BTN3A1: variants seen among roughly 807,000 people sequenced by gnomAD.
BTN3A1 encodes butyrophilin subfamily 3 member A1, also known as dJ45P21.3 (butyrophilin, subfamily 3, member A1).
Under a neutral mutation model 43.0 loss-of-function variants are expected in BTN3A1, and 24 were observed. The ratio of observed to expected loss-of-function variants is 0.56; its 90% CI spans 0.40 to 0.78. The LOEUF is 0.78. Among genes scored for constraint, BTN3A1 ranks in the 30% least tolerant of loss-of-function variants. The probability of loss-of-function intolerance (pLI) is 0.00; values close to 1 mark genes in which losing one functional copy is unlikely to be tolerated. For synonymous variants in BTN3A1, 181 were observed against 234.7 expected, an observed-to-expected ratio of 0.77 and a Z score of 2.09; for missense variants, 533 against 626.2, an observed-to-expected ratio of 0.85 and a Z score of 1.59.
chr6:26,412,573 G>A, intron 9 of BTN3A1: 2 of 1,547,294 alleles, frequency 1.3e-6, no homozygotes, highest in South Asian at 2.4e-5. Context: ...ACCACATAGA[G>A]CCCAGCACAG....
rs554864674 is a variant in BTN3A1, at chr6:26,414,398, CCCA to C, written c.*707_*709del. The C allele has an allele frequency of 6.5e-6, 1 of 154,068 alleles. No homozygotes were observed. Among genetic ancestry groups the C allele is most frequent in the Non-Finnish European group, 1.4e-5 (1 of 69,372 alleles). The allele number at this position is 154,068 out of a possible 1,614,324, so 9.5% of individuals were successfully genotyped here. On this transcript the variant is annotated 3_prime_UTR_variant, in exon 10 of 10. Coordinates refer to ENST00000289361, the MANE Select transcript of BTN3A1 (RefSeq NM_007048.6). Reference sequence around the variant, plus strand: ...GAGTTGACACCCCTGTTGACTCCTTCCCAGCTGATTGTCAGAGCCTTAGACCCA... The same window carrying C: ...GAGTTGACACCCCTGTTGACTCCTTCGCTGATTGTCAGAGCCTTAGACCCA...
chr6:26,412,534 G>C (rs775795385), intron 9 of BTN3A1: 25 of 1,549,796 alleles, frequency 1.6e-5, no homozygotes, highest in African/African-American at 2.7e-5. Context: ...AAGCTGAAGG[G>C]TGGAGAGTGA....
In BTN3A1 at chr6:26,411,544, C is replaced by G; in HGVS notation, c.992-11C>G. On this transcript the variant is annotated splice_polypyrimidine_tract_variant and intron_variant, in intron 8 of 9. Coordinates refer to ENST00000289361, the MANE Select transcript of BTN3A1 (RefSeq NM_007048.6). ...CTGACCTTTTCCTTATCTGTGTCTCCTTCCTTTCAGAATGGAAAAAGGCCC... is the reference window on the plus strand; with the variant it reads ...CTGACCTTTTCCTTATCTGTGTCTCGTTCCTTTCAGAATGGAAAAAGGCCC... 1.9e-6 allele frequency: 3 copies of G among 1,613,480 alleles called. No individual in the cohort carries two copies. The highest frequency in any genetic ancestry group is 2.5e-6 in the Non-Finnish European group (3 of 1,179,582).
In BTN3A1 at chr6:26,414,382, C is replaced by A. The variant is rs557032623; in HGVS notation, c.*690C>A. On this transcript the variant is annotated 3_prime_UTR_variant, in exon 10 of 10. Transcript: ENST00000289361. ...ACTGTAGGTGGTTGTGGAGTTGACA[C>A]CCCTGTTGACTCCTTCCCAGCTGAT... 6.5e-6 allele frequency: 1 copy of A among 154,446 alleles called. No individual in the cohort carries two copies. Among genetic ancestry groups the A allele is most frequent in the Admixed American group, 6.3e-5 (1 of 15,750 alleles). 9.6% of individuals were successfully genotyped at this position (154,446 alleles called of 1,614,324 possible).
At chr6:26,412,493 C>G (rs757983023) in intron 9 of BTN3A1, 158 of 1,547,612 alleles carry the variant, frequency 1.0e-4, no homozygotes, top group Non-Finnish European at 1.3e-4. Flanking sequence ...GCCCAGAGGA[C>G]AGATTCCTGG....
At chr6:26,407,223 G>A (rs1762049994) in intron 3 of BTN3A1, among the ~76,000 whole-genome samples, 2 of 152,194 alleles carry the variant, frequency 1.3e-5, no homozygotes, top group South Asian at 4.1e-4. Context: ...TTAGTGCAAT[G>A]CTTTTCCCTG....
intron 2 of BTN3A1, 40 bp from the exon 3 acceptor site, chr6:26,405,869 T>C (rs751505681): frequency 1.2e-6 from 2 of 1,613,244 alleles, no homozygotes; most frequent in Non-Finnish European, 1.7e-6. Flanking sequence ...TGACCCCAAC[T>C]CCAAAACCCT....
At chr6:26,410,278 C>CTCTCTT (rs1762165406) in intron 7 of BTN3A1, among the ~76,000 whole-genome samples, 2 of 150,888 alleles carry the variant, frequency 1.3e-5, no homozygotes, top group South Asian at 4.2e-4. Flanking sequence ...TTCTTTCTCC[C>CTCTCTT]TCTCTTTCTC....
chr6:26,409,301 T>G (rs893785120), intron 4 of BTN3A1, among the ~76,000 whole-genome samples: 2 of 152,170 alleles, frequency 1.3e-5, no homozygotes, highest in African/African-American at 4.8e-5. Context: ...GTCACTCACT[T>G]TCCACATGAG....
At position 26,413,867 on chromosome 6, in the gene BTN3A1, A is replaced by G; in HGVS notation, c.*175A>G. 8.1e-7 allele frequency: 1 copy of G among 1,241,342 alleles called. No homozygotes were observed. Among genetic ancestry groups the G allele is most frequent in the South Asian group, 1.3e-5 (1 of 78,130 alleles). The allele number at this position is 1,241,342 out of a possible 1,614,324, so 76.9% of individuals were successfully genotyped here. On this transcript the variant is annotated 3_prime_UTR_variant, in exon 10 of 10. Transcript: ENST00000289361. ...TCCCCCTCCACAGCAACCAATCACA[A>G]CCATAAAGCTACAAGCACGCACTGA...
intron 9 of BTN3A1, chr6:26,412,803 G>T: frequency 6.4e-7 from 1 of 1,550,574 alleles, no homozygotes; most frequent in Admixed American, 2.0e-5. Context: ...CTCATGAGTG[G>T]TCGAATGAAG....
chr6:26,408,721 C>G (rs6928454), intron 4 of BTN3A1, among the ~76,000 whole-genome samples: 25,525 of 152,180 alleles, frequency 0.17, 2,236 homozygotes, highest in South Asian at 0.23. Flanking sequence ...AGGTTGGAAA[C>G]TATGCAGATG....
intron 3 of BTN3A1, among the ~76,000 whole-genome samples, 197 bp downstream of exon 3, chr6:26,406,453 A>G (rs1230692203): frequency 2.6e-5 from 4 of 152,002 alleles, no homozygotes; most frequent in Non-Finnish European, 4.4e-5. Flanking sequence ...TGTACCCTAC[A>G]TGCTCAAGTA....
chr6:26,410,174 C>T lies in BTN3A1; in HGVS notation c.964+142C>T, dbSNP rs925426654. The stretch of plus-strand genomic sequence containing the variant: ...GGAAAGAAAATAGATGTGCCAATTC[C>T]TAGTCATTGCCAAAAAGAAAAAAAA... On this transcript the variant is annotated intron_variant, in intron 7 of 9. Coordinates refer to ENST00000289361, the MANE Select transcript of BTN3A1 (RefSeq NM_007048.6). 2.1e-5 allele frequency: 21 copies of T among 991,736 alleles called. No individual in the cohort carries two copies. The African/African-American group carries it at 3.5e-4, about 17-fold the overall frequency. The allele number at this position is 991,736 out of a possible 1,614,324, so 61.4% of individuals were successfully genotyped here.
In BTN3A1 at chr6:26,405,615, C is replaced by T. The variant is rs1202748758; in HGVS notation, c.52C>T (p.Leu18Phe). Reference protein sequence around the residue: ...AFLLLNFRVCLLLLQLLMPHS... With the variant: ...AFLLLNFRVCFLLLQLLMPHS... ...CCTTCTGCTCAACTTTCGTGTCTGC[C>T]TCCTTTTGCTTCAGCTGCTCATGCC... Residue 18 changes from leucine to phenylalanine, a missense_variant, in exon 2 of 10, where the codon CTC becomes TTC. Around this residue, in one of 4 missense-constraint regions of BTN3A1, gnomAD observed 56 missense variants for 67.1 expected, o/e 0.83. Coordinates refer to ENST00000289361, the MANE Select transcript of BTN3A1 (RefSeq NM_007048.6). 1 of 1,614,140 alleles carries T rather than the reference C, an allele frequency of 6.2e-7. No homozygotes were observed. The highest frequency in any genetic ancestry group is 8.5e-7 in the Non-Finnish European group (1 of 1,180,016).
rs759319547 is a variant in BTN3A1 at position 26,409,962 on chromosome 6, C to T, written c.938-44C>T. On this transcript the variant is annotated intron_variant, in intron 6 of 9. Transcript: ENST00000289361. The stretch of plus-strand genomic sequence containing the variant: ...ACCCAGGCATGTCTTCCTGTCCCTG[C>T]TTTATGCGCCTTGATGCATCTTCCC... The T allele has an allele frequency of 2.4e-5, 39 of 1,614,196 alleles. 1 individual carries two copies. In the South Asian group the frequency reaches 3.6e-4, roughly 15 times the overall value.
chr6:26,411,715 T>A (rs1762226999), intron 9 of BTN3A1, 134 bp downstream of exon 9: 1 of 1,161,698 alleles, frequency 8.6e-7, no homozygotes, highest in Non-Finnish European at 1.2e-6. Flanking sequence ...GTAGGCAACA[T>A]TAAATTCCAA....
At chr6:26,411,782 G>A (rs1762229522) in intron 9 of BTN3A1, 2 of 616,880 alleles carry the variant, frequency 3.2e-6, no homozygotes, top group Admixed American at 3.2e-5. Context: ...GGGAACCAGG[G>A]CGAATAGATC....
intron 8 of BTN3A1, 134 bp downstream of exon 8, chr6:26,411,269 T>TG: frequency 2.4e-6 from 3 of 1,245,686 alleles, no homozygotes; most frequent in South Asian, 3.0e-5. Flanking sequence ...TTGTGTGTTG[T>TG]GGGGGGTTGA....
Sources: gnomAD v4.1 joint callset for allele counts (sites outside exome capture counted in the v4.1 genomes callset) on GRCh38, gnomAD v4.1.1 for gene constraint, gnomAD v4.1.1 regional missense constraint, MANE v1.5 for transcripts, NCBI Gene and HGNC (gene_info 2026-07-23, HGNC 2026-07-21) for gene names.